The following PLPPR1 variants were observed in gnomAD, a reference collection of about 807,000 sequenced individuals.
The protein encoded by PLPPR1 is phospholipid phosphatase related 1.
In PLPPR1, 10 loss-of-function variants were observed where a neutral mutation model predicts 33.1. The ratio of observed to expected loss-of-function variants is 0.30; its 90% CI spans 0.19 to 0.51. The LOEUF is 0.51. Among genes scored for constraint, PLPPR1 ranks in the 20% least tolerant of loss-of-function variants. The pLI, the probability that PLPPR1 is intolerant of heterozygous loss-of-function variation, is 0.97. For synonymous variants in PLPPR1, 151 were observed against 151.0 expected (o/e 1.00, Z 0.00); for missense variants, 304 against 408.1 (o/e 0.74, Z 2.20).
At chr9:101,146,897 G>T (rs956338559) in intron 1 of PLPPR1, among the ~76,000 whole-genome samples, 5 of 152,136 alleles carry the variant, frequency 3.3e-5, no homozygotes, top group Non-Finnish European at 7.4e-5. Flanking sequence ...ATTCCACGTG[G>T]CATTAAGAAT....
At chr9:101,191,712 A>C (rs1333346551) in intron 2 of PLPPR1, among the ~76,000 whole-genome samples, 1 of 152,188 alleles carries the variant, frequency 6.6e-6, no homozygotes, top group Non-Finnish European at 1.5e-5. Context: ...ATATTCCCAG[A>C]CATCAGTGGA....
chr9:101,321,040 C>G (rs530654922), intron 7 of PLPPR1, among the ~76,000 whole-genome samples: 1 of 152,166 alleles, frequency 6.6e-6, no homozygotes, highest in Non-Finnish European at 1.5e-5. Flanking sequence ...AAAGTAAATA[C>G]CCCCCTGTGA....
chr9:101,313,776 ATC>A (rs1829004117), intron 6 of PLPPR1, among the ~76,000 whole-genome samples: 1 of 152,200 alleles, frequency 6.6e-6, no homozygotes. Context: ...TAAATGACAC[ATC>A]AAGTATACAA....
chr9:101,039,753 A>G (rs764011117), intron 1 of PLPPR1, among the ~76,000 whole-genome samples: 48 of 151,980 alleles, frequency 3.2e-4, no homozygotes, highest in Non-Finnish European at 5.4e-4. Flanking sequence ...TTTTTTTAAA[A>G]CCATCAGATC....
intron 1 of PLPPR1, among the ~76,000 whole-genome samples, chr9:101,063,868 C>T (rs1830376004): frequency 6.6e-6 from 1 of 152,078 alleles, no homozygotes; most frequent in Non-Finnish European, 1.5e-5. Flanking sequence ...CTGTTTACTT[C>T]CTTTTGTTTG....
chr9:101,051,684 C>T (rs1474587779), intron 1 of PLPPR1, among the ~76,000 whole-genome samples: 1 of 152,166 alleles, frequency 6.6e-6, no homozygotes, highest in African/African-American at 2.4e-5. Context: ...TACTTCATTA[C>T]TGTTCTTGCT....
chr9:101,137,676 A>T (rs1395916363), intron 1 of PLPPR1, among the ~76,000 whole-genome samples: 1 of 152,206 alleles, frequency 6.6e-6, no homozygotes, highest in Admixed American at 6.5e-5. Context: ...ATATCCTCTA[A>T]AGAGCAGTCT....
intron 2 of PLPPR1, among the ~76,000 whole-genome samples, chr9:101,243,140 TG>T (rs1827512121): frequency 6.6e-6 from 1 of 151,918 alleles, no homozygotes; most frequent in Non-Finnish European, 1.5e-5. Flanking sequence ...GAAGTAGAAA[TG>T]TATGATTCAT....
intron 1 of PLPPR1, among the ~76,000 whole-genome samples, chr9:101,055,542 CT>C (rs1165128567): frequency 1.3e-5 from 2 of 152,166 alleles, no homozygotes; most frequent in African/African-American, 4.8e-5. Context: ...TACTCATTGT[CT>C]TGAATAATCT....
chr9:101,185,431 C>T lies in PLPPR1; in HGVS notation c.-45-19C>T. On this transcript the variant is annotated intron_variant, in intron 1 of 7. Transcript: ENST00000374874. ...CTCAATATATGGTTCTTATACTATG[C>T]AACCTATTTCTATTTCAGCCTGGAC... 1 of 970,668 alleles carries T rather than the reference C, an allele frequency of 1.0e-6. No individual in the cohort carries two copies. The highest frequency in any genetic ancestry group is 1.6e-6 in the Non-Finnish European group (1 of 610,746). The allele number at this position is 970,668 out of a possible 1,614,324, so 60.1% of individuals were successfully genotyped here.
At chr9:101,139,982 A>G (rs146061845) in intron 1 of PLPPR1, among the ~76,000 whole-genome samples, 156 of 152,308 alleles carry the variant, frequency 1.0e-3, no homozygotes, top group African/African-American at 3.6e-3. Flanking sequence ...CTGTACCTCA[A>G]CTGCTCACAG....
chr9:101,096,651 C>T (rs533331391), intron 1 of PLPPR1, among the ~76,000 whole-genome samples: 1 of 135,364 alleles, frequency 7.4e-6, no homozygotes, highest in East Asian at 2.0e-4. Flanking sequence ...TTTTCATGTA[C>T]ATGTGTGCTG....
chr9:101,051,309 C>G (rs1473992074), intron 1 of PLPPR1, among the ~76,000 whole-genome samples: 1 of 152,018 alleles, frequency 6.6e-6, no homozygotes, highest in African/African-American at 2.4e-5. Flanking sequence ...ACCACTATCT[C>G]TCTCTCTCTC....
chr9:101,130,868 T>A (rs532893403), intron 1 of PLPPR1, among the ~76,000 whole-genome samples: 100 of 152,232 alleles, frequency 6.6e-4, no homozygotes, highest in Admixed American at 2.7e-3. Flanking sequence ...AAAGTATGTG[T>A]TTTGGTTTTG....
At chr9:101,047,186 T>G (rs1830162708) in intron 1 of PLPPR1, among the ~76,000 whole-genome samples, 1 of 152,226 alleles carries the variant, frequency 6.6e-6, no homozygotes, top group African/African-American at 2.4e-5. Context: ...ATTTTTACTC[T>G]GAGATTCCCC....
chr9:101,209,165 G>A (rs555265543), intron 2 of PLPPR1, among the ~76,000 whole-genome samples: 6 of 152,296 alleles, frequency 3.9e-5, no homozygotes, highest in African/African-American at 1.2e-4. Flanking sequence ...CCAGTAATTC[G>A]TGTTTTAACA....
At chr9:101,042,936 A>G (rs1396406985) in intron 1 of PLPPR1, among the ~76,000 whole-genome samples, 1 of 151,776 alleles carries the variant, frequency 6.6e-6, no homozygotes, top group Non-Finnish European at 1.5e-5. Context: ...TTTTTTCCAT[A>G]GGTTTTTGGG....
intron 1 of PLPPR1, among the ~76,000 whole-genome samples, chr9:101,134,875 A>G (rs1331605818): frequency 6.6e-6 from 1 of 152,118 alleles, no homozygotes; most frequent in Non-Finnish European, 1.5e-5. Context: ...GAATCAGAGG[A>G]TATCTGTGGG....
Position 101,180,885 on chromosome 9 carries a change from C to T in PLPPR1, c.-45-4565C>T, listed in dbSNP as rs1025221846. 5.3e-5 allele frequency among the ~76,000 whole-genome samples: 8 copies of T among 151,754 alleles called. No individual in the cohort carries two copies. The East Asian group carries it at 7.8e-4, about 15-fold the overall frequency. On this transcript the variant is annotated intron_variant, in intron 1 of 7. Coordinates refer to ENST00000374874, the MANE Select transcript of PLPPR1 (RefSeq NM_207299.2). ...CAAGCACAAGCAAAATATAAACAAACGGGATTACACCAAACAAAAAAGCTC... is the reference window on the plus strand; with the variant it reads ...CAAGCACAAGCAAAATATAAACAAATGGGATTACACCAAACAAAAAAGCTC...
Sources: allele counts gnomAD v4.1 joint callset (sites outside exome capture counted in the v4.1 genomes callset), GRCh38; gene constraint gnomAD v4.1.1; transcripts MANE v1.5; gene names NCBI Gene and HGNC (gene_info 2026-07-23, HGNC 2026-07-21).